The following HOXB3 variants were observed in gnomAD, a reference collection of about 807,000 sequenced individuals.
HOXB3 encodes the protein homeobox protein Hox-B3.
In HOXB3, 17 loss-of-function variants were observed where a neutral mutation model predicts 29.2. The observed-to-expected ratio is 0.58, with a 90% CI of 0.40 to 0.87. The LOEUF (loss-of-function observed/expected upper bound fraction) is 0.87, where lower values mean the gene tolerates loss of function less well. Among genes scored for constraint, HOXB3 ranks in the 40% least tolerant of loss-of-function variants. HOXB3 has a pLI of 0.00. For missense variants in HOXB3, 637 were observed against 616.3 expected (o/e 1.03, Z -0.35); for synonymous variants, 317 against 285.9 (o/e 1.11, Z -1.10).
intron 1 of HOXB3, chr17:48,579,260 T>C (rs1439466553): frequency 6.6e-6 from 1 of 152,242 alleles, no homozygotes; most frequent in Admixed American, 6.5e-5. Flanking sequence ...GATTAGCAAT[T>C]TGCTAATTCC....
chr17:48,565,751 C>G (rs1421357267), intron 2 of HOXB3, among the ~76,000 whole-genome samples: 1 of 152,188 alleles, frequency 6.6e-6, no homozygotes, highest in South Asian at 2.1e-4. Flanking sequence ...TCCCACTGCC[C>G]TTGTTCTCAC....
chr17:48,574,870 A>G (rs186743479), intron 1 of HOXB3, among the ~76,000 whole-genome samples: 1 of 152,368 alleles, frequency 6.6e-6, no homozygotes, highest in African/African-American at 2.4e-5. Flanking sequence ...AAGGCTTCAC[A>G]AAAGAGGCCA....
intron 2 of HOXB3, among the ~76,000 whole-genome samples, chr17:48,570,656 G>A (rs1341298634): frequency 2.0e-5 from 3 of 152,194 alleles, no homozygotes; most frequent in Admixed American, 6.5e-5. Context: ...CGGCCTCGGA[G>A]GTTCCAGCTA....
Position 48,554,814 on chromosome 17 carries a change from G to C in HOXB3, c.-159+717C>G, listed in dbSNP as rs1157463594. ...CTCCGCTTCGGGACTTTGCTCAGCA[G>C]GGCTCCGGGTTGGAGGGCGCCGAGG... On this transcript the variant is annotated intron_variant, in intron 3 of 4. Transcript: ENST00000498678. The surrounding 1 kb of genome is among the most constrained non-coding windows in gnomAD (Gnocchi z 4.1). The C allele has an allele frequency of 1.4e-6, 1 of 702,380 alleles. No individual in the cohort carries two copies. Among genetic ancestry groups the C allele is most frequent in the Non-Finnish European group, 2.6e-6 (1 of 384,820 alleles). 43.5% of individuals were successfully genotyped at this position (702,380 alleles called of 1,614,324 possible).
intron 2 of HOXB3, among the ~76,000 whole-genome samples, chr17:48,564,090 ATCTTCG>A (rs1326063021): frequency 1.3e-4 from 17 of 132,474 alleles, no homozygotes; most frequent in Non-Finnish European, 3.1e-5. Flanking sequence ...AGTTGCTCTC[ATCTTCG>A]TCTTCAATTC....
At position 48,574,024 on chromosome 17, in the gene HOXB3, A is replaced by G. The variant is rs2069675543; in HGVS notation, c.-424-10T>C. ...GGTCCAAGGAGATTTGCTGTTGAAT[A>G]ATAACAAAGGAGAGAGGATACGTAT... is the stretch of plus-strand genomic sequence containing the variant. On this transcript the variant is annotated splice_polypyrimidine_tract_variant and intron_variant, in intron 1 of 4. Coordinates refer to ENST00000498678, the MANE Select transcript of HOXB3 (RefSeq NM_001384749.1). 1.6e-6 allele frequency: 1 copy of G among 623,848 alleles called. No individual in the cohort carries two copies. The highest frequency in any genetic ancestry group is 1.8e-5 in the African/African-American group (1 of 54,338). 38.6% of individuals were successfully genotyped at this position (623,848 alleles called of 1,614,324 possible).
In HOXB3 at chr17:48,551,154, C is replaced by T; in HGVS notation, c.476G>A (p.Gly159Asp). The T allele has an allele frequency of 7.7e-7, 1 of 1,297,682 alleles. No homozygotes were observed. The highest frequency in any genetic ancestry group is 9.8e-7 in the Non-Finnish European group (1 of 1,021,896). The allele number at this position is 1,297,682 out of a possible 1,614,324, so 80.4% of individuals were successfully genotyped here. Residue 159 changes from glycine to aspartate, a missense_variant, in exon 5 of 5, where the codon GGC becomes GAC. By Grantham distance (94) the Gly-to-Asp change is moderately conservative. Transcript: ENST00000498678. ...GCCACCACTGCCTCCGCCGCCGCCGCCACCGCCGCCGCCACCACAGCCCTC... is the reference window on the plus strand; with the variant it reads ...GCCACCACTGCCTCCGCCGCCGCCGTCACCGCCGCCGCCACCACAGCCCTC... The part of the protein sequence containing the change: ...TAEGCGGGGG[G>D]GGGGGSGGSG...
chr17:48,552,381 G>A lies in HOXB3; in HGVS notation c.94C>T (p.Pro32Ser). The A allele has an allele frequency of 6.2e-7, 1 of 1,613,230 alleles. No homozygotes were observed. Among genetic ancestry groups the A allele is most frequent in the Non-Finnish European group, 8.5e-7 (1 of 1,179,418 alleles). ...PGSNGFGFDV[P>S]PQPPFQAATH... ...GCGGCCTGAAATGGGGGTTGGGGGG[G>A]GACATCGAAGCCGAAGCCATTGCTG... Residue 32 changes from proline (P) to serine (S), a missense_variant, in exon 4 of 5, where the codon CCC becomes TCC. By Grantham distance (74) the Pro-to-Ser change is moderately conservative. Coordinates refer to ENST00000498678, the MANE Select transcript of HOXB3 (RefSeq NM_001384749.1).
At chr17:48,552,797 CTAAAAAA>C in intron 3 of HOXB3, 165 bp from the exon 4 acceptor site, 1 of 330,748 alleles carries the variant, frequency 3.0e-6, no homozygotes, top group Non-Finnish European at 5.5e-6. Flanking sequence ...TTCATTTCCA[CTAAAAAA>C]TAAAAAAATA....
Position 48,586,129 on chromosome 17 carries a change from G to A in HOXB3, c.-425+3996C>T, listed in dbSNP as rs528923092. On this transcript the variant is annotated intron_variant, in intron 1 of 4. Transcript: ENST00000498678. ...GACTGGGAACTGTTTCCGGGGAGGAGAAGCTAGAGGATACTGCAGAGAGTG... is the reference window on the plus strand; with the variant it reads ...GACTGGGAACTGTTTCCGGGGAGGAAAAGCTAGAGGATACTGCAGAGAGTG... 2.6e-5 allele frequency among the ~76,000 whole-genome samples: 4 copies of A among 152,254 alleles called. No homozygotes were observed. The South Asian group carries it at 8.3e-4, about 32-fold the overall frequency.
chr17:48,576,650 T>TTCCCCCCCCCCCA, intron 1 of HOXB3: 1 of 567,770 alleles, frequency 1.8e-6, no homozygotes, highest in South Asian at 2.9e-5. Context: ...CCCCCTCCTG[T>TTCCCCCCCCCCCA]CCCCCCACCC....
intron 1 of HOXB3, chr17:48,575,479 A>G (rs2069729039): frequency 6.6e-6 from 1 of 152,258 alleles, no homozygotes; most frequent in Admixed American, 6.5e-5. Flanking sequence ...CCATATCTTT[A>G]CGCCAATGTT....
chr17:48,558,759 A>T (rs1160896430), intron 2 of HOXB3, among the ~76,000 whole-genome samples: 1 of 152,010 alleles, frequency 6.6e-6, no homozygotes, highest in Non-Finnish European at 1.5e-5. Context: ...GAGCAGGCTG[A>T]GGGAAGACTT....
chr17:48,577,524 G>T lies in HOXB3; in HGVS notation c.-424-3510C>A, dbSNP rs185125740. On this transcript the variant is annotated intron_variant, in intron 1 of 4. Coordinates refer to ENST00000498678, the MANE Select transcript of HOXB3 (RefSeq NM_001384749.1). ...TGACTCAACTCTCTGCTTAAATACG[G>T]ATTACCTCCTCCTCCTTCTCCTCCT... 2.0e-5 allele frequency among the ~76,000 whole-genome samples: 3 copies of T among 152,250 alleles called. No individual in the cohort carries two copies. The East Asian group carries it at 5.8e-4, about 29-fold the overall frequency.
intron 1 of HOXB3, chr17:48,576,758 G>A (rs766578016): frequency 5.6e-6 from 9 of 1,613,614 alleles, no homozygotes; most frequent in Non-Finnish European, 7.6e-6. Flanking sequence ...GCCGGCCAGG[G>A]GGCCCTCCGG....
chr17:48,578,366 C>A (rs932697201), intron 1 of HOXB3: 4 of 1,575,766 alleles, frequency 2.5e-6, no homozygotes, highest in Non-Finnish European at 2.6e-6. Flanking sequence ...TTATTCCGAC[C>A]CCTGACTCGT....
intron 2 of HOXB3, among the ~76,000 whole-genome samples, chr17:48,562,851 G>T (rs1459220541): frequency 6.6e-6 from 1 of 152,164 alleles, no homozygotes; most frequent in African/African-American, 2.4e-5. Context: ...CCACTAGTTG[G>T]CCTGCGGAAA....
chr17:48,553,268 C>CTCAA (rs2068838884), intron 3 of HOXB3: 1 of 152,312 alleles, frequency 6.6e-6, no homozygotes, highest in African/African-American at 2.4e-5. Context: ...CCAGCTGAAC[C>CTCAA]GAGACTCATC....
At chr17:48,589,201 A>G (rs947907753) in intron 1 of HOXB3, among the ~76,000 whole-genome samples, 16 of 152,178 alleles carry the variant, frequency 1.1e-4, no homozygotes, top group African/African-American at 3.9e-4. Context: ...AAGAAGAGGG[A>G]AAAAGAGAGG....
Sources: allele counts gnomAD v4.1 joint callset (sites outside exome capture counted in the v4.1 genomes callset), GRCh38; gene constraint gnomAD v4.1.1; non-coding constraint Gnocchi (gnomAD v3.1); transcripts MANE v1.5; gene names NCBI Gene and HGNC (gene_info 2026-07-23, HGNC 2026-07-21).